Variants in STK32B observed in about 807,000 individuals in gnomAD.
STK32B encodes the protein serine/threonine kinase 32B.
In STK32B, 43 loss-of-function variants were observed where a neutral mutation model predicts 52.6. The observed-to-expected ratio is 0.82, with a 90% CI of 0.64 to 1.05. The LOEUF (loss-of-function observed/expected upper bound fraction) is 1.05. STK32B is among the 50% of genes least tolerant of loss of function. STK32B has a pLI of 0.00. For missense variants in STK32B, 621 were observed against 534.6 expected (o/e 1.16, Z -1.59); for synonymous variants, 238 against 204.3 (o/e 1.17, Z -1.41).
chr4:5,082,445 C>A (rs1577056280), intron 1 of STK32B, among the ~76,000 whole-genome samples: 1 of 152,264 alleles, frequency 6.6e-6, no homozygotes, highest in African/African-American at 2.4e-5. Context: ...TTCCAAACAG[C>A]CTGTGAGAAG....
At chr4:5,021,591 G>A in the STK32B span, among the ~76,000 whole-genome samples, 1 of 152,178 alleles carries the variant, frequency 6.6e-6, no homozygotes, top group South Asian at 2.1e-4. Flanking sequence ...ACAAGCCCAT[G>A]GACCAAACAA....
intron 6 of STK32B, among the ~76,000 whole-genome samples, chr4:5,431,842 T>C (rs2109092487): frequency 6.6e-6 from 1 of 152,296 alleles, no homozygotes; most frequent in Non-Finnish European, 1.5e-5. Context: ...TTCATTTGAC[T>C]AGCCAAGAGC....
chr4:5,053,453 G>T (rs917212841), intron 1 of STK32B, among the ~76,000 whole-genome samples: 11 of 152,166 alleles, frequency 7.2e-5, no homozygotes, highest in African/African-American at 2.4e-4. Context: ...GTTCTAGCCT[G>T]GGTCAAAGGT....
At chr4:5,094,831 A>T (rs1347698377) in intron 1 of STK32B, among the ~76,000 whole-genome samples, 1 of 152,098 alleles carries the variant, frequency 6.6e-6, no homozygotes, top group Non-Finnish European at 1.5e-5. Flanking sequence ...TAACTCCCAC[A>T]TTGTTCTCAA....
At chr4:5,313,995 A>T (rs1445154850) in intron 3 of STK32B, among the ~76,000 whole-genome samples, 1 of 152,216 alleles carries the variant, frequency 6.6e-6, no homozygotes, top group East Asian at 1.9e-4. Context: ...TAAAGATAAC[A>T]GTTGTCCTCT....
At chr4:5,248,983 C>A (rs945635051) in intron 3 of STK32B, among the ~76,000 whole-genome samples, 4 of 151,732 alleles carry the variant, frequency 2.6e-5, no homozygotes, top group Admixed American at 1.3e-4. Context: ...ATGTAAAGGA[C>A]GAGTTAATGG....
chr4:5,444,357 C>T (rs1208993868), intron 6 of STK32B, among the ~76,000 whole-genome samples: 3 of 152,298 alleles, frequency 2.0e-5, no homozygotes, highest in Admixed American at 6.5e-5. Flanking sequence ...GGGAGTGACC[C>T]GATTTTCCAG....
chr4:5,130,550 T>G (rs1012473385), intron 1 of STK32B, among the ~76,000 whole-genome samples: 3 of 152,090 alleles, frequency 2.0e-5, no homozygotes, highest in African/African-American at 7.2e-5. Context: ...ACCAATAGGT[T>G]CACACCAAGA....
At chr4:5,355,061 C>T (rs1734082021) in intron 4 of STK32B, among the ~76,000 whole-genome samples, 1 of 152,124 alleles carries the variant, frequency 6.6e-6, no homozygotes, top group African/African-American at 2.4e-5. Flanking sequence ...CCTTGACTTT[C>T]CATGCTGTTC....
chr4:5,221,378 A>G (rs1329428052), intron 3 of STK32B, among the ~76,000 whole-genome samples: 1 of 152,198 alleles, frequency 6.6e-6, no homozygotes, highest in Non-Finnish European at 1.5e-5. Flanking sequence ...CCAAATTCCT[A>G]TAGGATATAG....
chr4:5,454,389 T>C (rs529465744), intron 7 of STK32B, among the ~76,000 whole-genome samples: 14 of 152,206 alleles, frequency 9.2e-5, no homozygotes, highest in Non-Finnish European at 7.4e-5. Flanking sequence ...ATTCCAGGCC[T>C]CTCTGCTTGG....
chr4:5,361,396 T>C (rs1734539991), intron 4 of STK32B, among the ~76,000 whole-genome samples: 1 of 152,146 alleles, frequency 6.6e-6, no homozygotes, highest in Admixed American at 6.5e-5. Flanking sequence ...TATTTTTGAT[T>C]TTATTTATGG....
At chr4:5,317,564 G>GA (rs1224052440) in intron 3 of STK32B, among the ~76,000 whole-genome samples, 2 of 112,566 alleles carry the variant, frequency 1.8e-5, no homozygotes, top group East Asian at 2.4e-4. Context: ...TATATAACTT[G>GA]AAAAAAATAT....
chr4:5,264,618 C>G lies in STK32B; in HGVS notation c.261-66602C>G, dbSNP rs561887626. Among the ~76,000 whole-genome samples, 10 of 147,640 alleles carry G rather than the reference C, an allele frequency of 6.8e-5. No individual in the cohort carries two copies. In the South Asian group the frequency reaches 2.1e-3, roughly 32 times the overall value. Reference sequence around the variant, plus strand: ...TGGCTAACACAATGAAACCCTGTCTCTACTAAAAATAAAAAAAAAATAGCC... The same window carrying G: ...TGGCTAACACAATGAAACCCTGTCTGTACTAAAAATAAAAAAAAAATAGCC... On this transcript the variant is annotated intron_variant, in intron 3 of 11. Transcript: ENST00000282908.
chr4:5,438,700 C>A (rs1306449130), intron 6 of STK32B, among the ~76,000 whole-genome samples: 1 of 152,226 alleles, frequency 6.6e-6, no homozygotes, highest in East Asian at 1.9e-4. Context: ...GCGCTGCACC[C>A]ACTAACTCGT....
In STK32B at chr4:5,458,206, G is replaced by A. The variant is rs535172070; in HGVS notation, c.783+1283G>A. Among the ~76,000 whole-genome samples, 12 of 152,298 alleles carry A rather than the reference G, an allele frequency of 7.9e-5. No homozygotes were observed. In the South Asian group the frequency reaches 8.3e-4, roughly 11 times the overall value. ...GTGGTTCTGGTGTGCACTCCAGTCC[G>A]ACATGGGCGGGAGATCTTGGTGCCC... On this transcript the variant is annotated intron_variant, in intron 8 of 11. Transcript: ENST00000282908.
At chr4:5,159,083 G>A (rs1040627260) in intron 2 of STK32B, among the ~76,000 whole-genome samples, 12 of 152,144 alleles carry the variant, frequency 7.9e-5, no homozygotes, top group African/African-American at 2.4e-5. Context: ...GCCAACACGG[G>A]CTAGAACTCA....
At chr4:5,056,900 G>A (rs1742029386) in intron 1 of STK32B, among the ~76,000 whole-genome samples, 1 of 152,172 alleles carries the variant, frequency 6.6e-6, no homozygotes, top group Non-Finnish European at 1.5e-5. Context: ...GACGCTGGGT[G>A]GGCAGATAGA....
At chr4:5,066,455 A>T (rs1742428573) in intron 1 of STK32B, among the ~76,000 whole-genome samples, 1 of 152,166 alleles carries the variant, frequency 6.6e-6, no homozygotes, top group African/African-American at 2.4e-5. Context: ...CACAAGTATG[A>T]TCGTGTCGGT....
Sources: gnomAD v4.1 joint callset for allele counts (sites outside exome capture counted in the v4.1 genomes callset) on GRCh38, gnomAD v4.1.1 for gene constraint, MANE v1.5 for transcripts, NCBI Gene and HGNC (gene_info 2026-07-23, HGNC 2026-07-21) for gene names.